The following PEX3 variants were observed in gnomAD, a reference collection of about 807,000 sequenced individuals.
The protein encoded by PEX3 is peroxin-3.
A neutral mutation model predicts 55.8 loss-of-function variants in PEX3; 30 were observed. The ratio of observed to expected loss-of-function variants is 0.54; its 90% CI spans 0.40 to 0.73. The LOEUF is 0.73. PEX3 is among the 30% of genes least tolerant of loss of function. The pLI is 0.00. For missense variants in PEX3, 351 were observed against 432.8 expected (o/e 0.81, Z 1.68); for synonymous variants, 135 against 148.4 (o/e 0.91, Z 0.66).
intron 1 of PEX3, among the ~76,000 whole-genome samples, chr6:143,452,226 GT>G (rs2128744947): frequency 6.6e-6 from 1 of 152,286 alleles, no homozygotes; most frequent in Admixed American, 6.5e-5. Flanking sequence ...CAAGGATGGT[GT>G]TTTGCATGTC....
chr6:143,465,767 A>G lies in PEX3; in HGVS notation c.288-2355A>G, dbSNP rs112740711. Among the ~76,000 whole-genome samples the G allele has an allele frequency of 2.1e-3, 316 of 152,126 alleles. 2 individuals are homozygous for G. The highest frequency in any genetic ancestry group is 7.4e-3 in the African/African-American group (306 of 41,550). On this transcript the variant is annotated intron_variant, in intron 3 of 11. Transcript: ENST00000367591. The surrounding 1 kb of genome is among the most constrained non-coding windows in gnomAD (Gnocchi z 4.7). ...GTGTCTTGCATGAGTTACTCAACAC[A>G]TTTTCTGAACCTGTGCCATCTAGGA...
rs1323582652 is a variant in PEX3, at chr6:143,485,800, T to C, written c.1038+552T>C. The stretch of plus-strand genomic sequence containing the variant: ...ATGCATGGAGTAATTCAGTAATTCA[T>C]TGAGTAATTCAGTAATTCATTGAGT... On this transcript the variant is annotated intron_variant, in intron 11 of 11. Coordinates refer to ENST00000367591, the MANE Select transcript of PEX3 (RefSeq NM_003630.3). The surrounding 1 kb of genome is among the most constrained non-coding windows in gnomAD (Gnocchi z 5.6). Among the ~76,000 whole-genome samples, 3 of 152,244 alleles carry C rather than the reference T, an allele frequency of 2.0e-5. No individual in the cohort carries two copies. The highest frequency in any genetic ancestry group is 2.9e-5 in the Non-Finnish European group (2 of 67,994).
chr6:143,488,507 T>A lies in PEX3; in HGVS notation c.1039-636T>A, dbSNP rs1243146111. On this transcript the variant is annotated intron_variant, in intron 11 of 11. Coordinates refer to ENST00000367591, the MANE Select transcript of PEX3 (RefSeq NM_003630.3). This position sits in a 1 kb window ranked among gnomAD's most constrained non-coding sequence, Gnocchi z 4.9. ...CCACAACTGTCATATGACATGAAAATGCCTATGATTTCTATTGAAGACAAA... is the reference window on the plus strand; with the variant it reads ...CCACAACTGTCATATGACATGAAAAAGCCTATGATTTCTATTGAAGACAAA... Among the ~76,000 whole-genome samples the A allele has an allele frequency of 6.6e-6, 1 of 152,006 alleles. No individual in the cohort carries two copies. Among genetic ancestry groups the A allele is most frequent in the East Asian group, 1.9e-4 (1 of 5,198 alleles).
At position 143,487,250 on chromosome 6, in the gene PEX3, A is replaced by C. The variant is rs1462326283; in HGVS notation, c.1039-1893A>C. On this transcript the variant is annotated intron_variant, in intron 11 of 11. Transcript: ENST00000367591. The surrounding 1 kb of genome is among the most constrained non-coding windows in gnomAD (Gnocchi z 5.3). The stretch of plus-strand genomic sequence containing the variant: ...GAAACATCCTAGAAGCTGCATCAGG[A>C]TACAGTATTTGAACAGATTAAAGTC... 6.6e-6 allele frequency among the ~76,000 whole-genome samples: 1 copy of C among 152,208 alleles called. No homozygotes were observed. The highest frequency in any genetic ancestry group is 1.5e-5 in the Non-Finnish European group (1 of 68,022).
Position 143,462,137 on chromosome 6 carries a change from A to G in PEX3, c.206-779A>G, listed in dbSNP as rs1475127966. Among the ~76,000 whole-genome samples, 2 of 152,172 alleles carry G rather than the reference A, an allele frequency of 1.3e-5. No individual in the cohort carries two copies. On this transcript the variant is annotated intron_variant, in intron 2 of 11. Coordinates refer to ENST00000367591, the MANE Select transcript of PEX3 (RefSeq NM_003630.3). This position sits in a 1 kb window ranked among gnomAD's most constrained non-coding sequence, Gnocchi z 4.1. ...GTAGAGCCATAAATAAACTCCTAAA[A>G]ATCACATGAAGTTTTTTTCCCATAG...
intron 2 of PEX3, among the ~76,000 whole-genome samples, chr6:143,461,719 G>A (rs971403374): frequency 2.0e-5 from 3 of 152,120 alleles, no homozygotes; most frequent in Non-Finnish European, 2.9e-5. Flanking sequence ...GGCAAAGGTG[G>A]GAGGATTGCT....
intron 2 of PEX3, among the ~76,000 whole-genome samples, chr6:143,461,624 T>C (rs1365431689): frequency 1.3e-5 from 2 of 152,066 alleles, no homozygotes; most frequent in South Asian, 2.1e-4. Flanking sequence ...TAAGTAGTTT[T>C]CTTACCCAAG....
intron 1 of PEX3, among the ~76,000 whole-genome samples, chr6:143,455,502 A>AC (rs1779834252): frequency 6.7e-6 from 1 of 150,168 alleles, no homozygotes; most frequent in Admixed American, 6.7e-5. Flanking sequence ...GGCATGAGCC[A>AC]CCGCGCCCTG....
chr6:143,481,169 T>A (rs945517685), intron 10 of PEX3, among the ~76,000 whole-genome samples: 10 of 142,764 alleles, frequency 7.0e-5, no homozygotes, highest in Non-Finnish European at 1.2e-4. Flanking sequence ...TATATATATA[T>A]AAAATATATA....
intron 9 of PEX3, among the ~76,000 whole-genome samples, chr6:143,478,377 A>G (rs1780181413): frequency 6.6e-6 from 1 of 152,086 alleles, no homozygotes; most frequent in Non-Finnish European, 1.5e-5. Flanking sequence ...TGCATTTAAA[A>G]TGGGTGAATT....
intron 1 of PEX3, among the ~76,000 whole-genome samples, chr6:143,455,285 T>G (rs1006064944): frequency 1.3e-5 from 2 of 150,892 alleles, no homozygotes; most frequent in African/African-American, 4.9e-5. Context: ...CTCCGCCTCC[T>G]GGGTTCACGC....
chr6:143,489,207 C>G lies in PEX3; in HGVS notation c.1103C>G (p.Pro368Arg), dbSNP rs1287604408. 6.3e-7 allele frequency: 1 copy of G among 1,598,452 alleles called. No homozygotes were observed. Among genetic ancestry groups the G allele is most frequent in the East Asian group, 2.2e-5 (1 of 44,700 alleles). ...AANVYEAFST[P>R]QQLEK The stretch of plus-strand genomic sequence containing the variant: ...AATGTGTATGAAGCTTTTAGTACCC[C>G]TCAGCAACTGGAGAAATGATTTTTC... The change falls in exon 12 of 12, where the codon CCT (proline) becomes CGT (arginine). Residue 368 changes from proline (P) to arginine (R), a missense_variant. Transcript: ENST00000367591. This position sits in a 1 kb window ranked among gnomAD's most constrained non-coding sequence, Gnocchi z 5.5.
In PEX3 at chr6:143,476,019, G is replaced by A. The variant is rs970354977; in HGVS notation, c.818+1163G>A. 1.3e-5 allele frequency among the ~76,000 whole-genome samples: 2 copies of A among 152,218 alleles called. No homozygotes were observed. The highest frequency in any genetic ancestry group is 2.9e-5 in the Non-Finnish European group (2 of 68,042). ...AATCAACTAATAAATTTGATGTAAT[G>A]TCAAGTATGTATAACTTTGTTGATG... On this transcript the variant is annotated intron_variant, in intron 9 of 11. Transcript: ENST00000367591. This position sits in a 1 kb window ranked among gnomAD's most constrained non-coding sequence, Gnocchi z 5.4.
intron 1 of PEX3, among the ~76,000 whole-genome samples, chr6:143,457,686 G>C (rs1187251717): frequency 6.6e-6 from 1 of 152,134 alleles, no homozygotes; most frequent in Non-Finnish European, 1.5e-5. Flanking sequence ...TTACAGCCTT[G>C]CTCTCAGGTT....
Position 143,471,148 on chromosome 6 carries a change from T to A in PEX3, c.456+63T>A. The A allele has an allele frequency of 7.3e-7, 1 of 1,364,728 alleles. No individual in the cohort carries two copies. The highest frequency in any genetic ancestry group is 1.0e-6 in the Non-Finnish European group (1 of 955,702). 84.5% of individuals were successfully genotyped at this position (1,364,728 alleles called of 1,614,324 possible). ...CTCAGGAGGTTCAAAGTTTAACTTATTTATCCTGATAACAATTTCTATGAA... is the reference window on the plus strand; with the variant it reads ...CTCAGGAGGTTCAAAGTTTAACTTAATTATCCTGATAACAATTTCTATGAA... On this transcript the variant is annotated intron_variant, in intron 5 of 11. Coordinates refer to ENST00000367591, the MANE Select transcript of PEX3 (RefSeq NM_003630.3). This position sits in a 1 kb window ranked among gnomAD's most constrained non-coding sequence, Gnocchi z 5.4.
Position 143,485,566 on chromosome 6 carries a change from CCTT to C in PEX3, c.1038+319_1038+321del, listed in dbSNP as rs1780307703. ...AAGCTGTGCTAGTAAGAAGATTGATCCTTGGGGCAGATCAAGGATCCTGTTCTA... is the reference window on the plus strand; with the variant it reads ...AAGCTGTGCTAGTAAGAAGATTGATCGGGGCAGATCAAGGATCCTGTTCTA... On this transcript the variant is annotated intron_variant, in intron 11 of 11. Transcript: ENST00000367591. This position sits in a 1 kb window ranked among gnomAD's most constrained non-coding sequence, Gnocchi z 5.6. Among the ~76,000 whole-genome samples, 1 of 151,846 alleles carries C rather than the reference CCTT, an allele frequency of 6.6e-6. No individual in the cohort carries two copies. Among genetic ancestry groups the C allele is most frequent in the African/African-American group, 2.4e-5 (1 of 41,344 alleles).
rs146535103 is a variant in PEX3, at chr6:143,485,556, G to A, written c.1038+308G>A. Among the ~76,000 whole-genome samples the A allele has an allele frequency of 1.2e-3, 182 of 152,192 alleles. 1 individual carries two copies. Among genetic ancestry groups the A allele is most frequent in the African/African-American group, 3.9e-3 (161 of 41,560 alleles). Reference sequence around the variant, plus strand: ...TGTTTGCATTAAGCTGTGCTAGTAAGAAGATTGATCCTTGGGGCAGATCAA... The same window carrying A: ...TGTTTGCATTAAGCTGTGCTAGTAAAAAGATTGATCCTTGGGGCAGATCAA... On this transcript the variant is annotated intron_variant, in intron 11 of 11. Coordinates refer to ENST00000367591, the MANE Select transcript of PEX3 (RefSeq NM_003630.3). The surrounding 1 kb of genome is among the most constrained non-coding windows in gnomAD (Gnocchi z 5.6).
Position 143,485,376 on chromosome 6 carries a change from A to G in PEX3, c.1038+128A>G. 2 of 704,890 alleles carry G rather than the reference A, an allele frequency of 2.8e-6. No homozygotes were observed. The highest frequency in any genetic ancestry group is 2.9e-5 in the South Asian group (2 of 68,918). The allele number at this position is 704,890 out of a possible 1,614,324, so 43.7% of individuals were successfully genotyped here. ...AAAAAATCACAGAACTTGGAACTAC[A>G]TGTAGAGTATGGTAGAGTGTCCCAT... On this transcript the variant is annotated intron_variant, in intron 11 of 11. Coordinates refer to ENST00000367591, the MANE Select transcript of PEX3 (RefSeq NM_003630.3). This position sits in a 1 kb window ranked among gnomAD's most constrained non-coding sequence, Gnocchi z 5.6.
chr6:143,462,065 C>G lies in PEX3; in HGVS notation c.206-851C>G, dbSNP rs937186817. Among the ~76,000 whole-genome samples, 1 of 152,038 alleles carries G rather than the reference C, an allele frequency of 6.6e-6. No individual in the cohort carries two copies. Among genetic ancestry groups the G allele is most frequent in the Non-Finnish European group, 1.5e-5 (1 of 67,994 alleles). On this transcript the variant is annotated intron_variant, in intron 2 of 11. Transcript: ENST00000367591. This position sits in a 1 kb window ranked among gnomAD's most constrained non-coding sequence, Gnocchi z 4.1. The stretch of plus-strand genomic sequence containing the variant: ...TGTATTCCTCCATTTCTTTTTTTCT[C>G]TAATCCCATGACAGATTCTTATTCT...
Sources: allele counts gnomAD v4.1 joint callset (sites outside exome capture counted in the v4.1 genomes callset), GRCh38; gene constraint gnomAD v4.1.1; non-coding constraint Gnocchi (gnomAD v3.1); transcripts MANE v1.5; gene names NCBI Gene and HGNC (gene_info 2026-07-23, HGNC 2026-07-21).